The following NRGN variants were observed in gnomAD, a reference collection of about 807,000 sequenced individuals.
NRGN encodes the protein neurogranin, also known as calmodulin-binding protein.
For synonymous variants in NRGN, 47 were observed against 52.8 expected (o/e 0.89, Z 0.47); for missense variants, 82 against 123.0 (o/e 0.67, Z 1.58).
rs2134447197 is a variant in NRGN, at chr11:124,745,825, C to A, written c.*5+96C>A. ...AAGGGCGGGTTGGAGGTGCAGGGGG[C>A]GTGGAGGGAGCTAAGGGTTGGGGGA... On this transcript the variant is annotated intron_variant, in intron 2 of 3. Coordinates refer to ENST00000284292, the MANE Select transcript of NRGN (RefSeq NM_006176.3). This position sits in a 1 kb window ranked among gnomAD's most constrained non-coding sequence, Gnocchi z 6.4. 3.4e-6 allele frequency: 2 copies of A among 587,126 alleles called. No individual in the cohort carries two copies. The highest frequency in any genetic ancestry group is 5.2e-6 in the Non-Finnish European group (2 of 386,592). 36.4% of individuals were successfully genotyped at this position (587,126 alleles called of 1,614,324 possible). A position where few individuals can be genotyped will look rare whatever the true frequency, so the allele number is the denominator to read the frequency against.
In NRGN at chr11:124,745,648, A is replaced by AGGGCCC. The variant is rs1944003284; in HGVS notation, c.168_173dup (p.Pro58_Gly59dup). 1 of 1,568,644 alleles carries AGGGCCC rather than the reference A, an allele frequency of 6.4e-7. No homozygotes were observed. The highest frequency in any genetic ancestry group is 8.6e-7 in the Non-Finnish European group (1 of 1,161,956). ...ATAAAGAGCGGAGAGCGCGGCCGGA[A>AGGGCCC]GGGCCCGGGCCCTGGGGGGCCTGGC... On this transcript the variant is annotated inframe_insertion, in exon 2 of 4. Coordinates refer to ENST00000284292, the MANE Select transcript of NRGN (RefSeq NM_006176.3). The surrounding 1 kb of genome is among the most constrained non-coding windows in gnomAD (Gnocchi z 6.4).
At position 124,746,018 on chromosome 11, in the gene NRGN, C is replaced by A. The variant is rs537435660; in HGVS notation, c.*23+36C>A. On this transcript the variant is annotated intron_variant, in intron 3 of 3. Transcript: ENST00000284292. ...CGGCCCCTAGGCGGCGGGGTGGGAC[C>A]CGTGAGTGGGAGAAAAGGATCGAAT... 8 of 272,492 alleles carry A rather than the reference C, an allele frequency of 2.9e-5. No homozygotes were observed. The East Asian group carries it at 4.6e-4, about 16-fold the overall frequency. The allele number at this position is 272,492 out of a possible 1,614,324, so 16.9% of individuals were successfully genotyped here.
rs533555833 is a variant in NRGN, at chr11:124,740,305, C to G, written c.15+206C>G. ...GCCCTAGGAAAAATGCTCCTCAACTCGCGGGGGCGTCTGAGCGCCCATCCG... is the reference window on the plus strand; with the variant it reads ...GCCCTAGGAAAAATGCTCCTCAACTGGCGGGGGCGTCTGAGCGCCCATCCG... On this transcript the variant is annotated intron_variant, in intron 1 of 3. Coordinates refer to ENST00000284292, the MANE Select transcript of NRGN (RefSeq NM_006176.3). This position sits in a 1 kb window ranked among gnomAD's most constrained non-coding sequence, Gnocchi z 7.5. Among the ~76,000 whole-genome samples the G allele has an allele frequency of 6.6e-6, 1 of 152,372 alleles. No homozygotes were observed. The highest frequency in any genetic ancestry group is 1.9e-4 in the East Asian group (1 of 5,180).
chr11:124,741,597 G>C (rs905841484), intron 1 of NRGN, among the ~76,000 whole-genome samples: 1 of 151,928 alleles, frequency 6.6e-6, no homozygotes, highest in Admixed American at 6.6e-5. Context: ...GAGGTTCCTG[G>C]GCTCCACTGA....
rs1330934922 is a variant in NRGN at position 124,745,999 on chromosome 11, C to G, written c.*23+17C>G. 1.7e-5 allele frequency: 5 copies of G among 300,534 alleles called. No homozygotes were observed. The highest frequency in any genetic ancestry group is 3.1e-5 in the Non-Finnish European group (5 of 163,088). The allele number at this position is 300,534 out of a possible 1,614,324, so 18.6% of individuals were successfully genotyped here. On this transcript the variant is annotated intron_variant, in intron 3 of 3. Coordinates refer to ENST00000284292, the MANE Select transcript of NRGN (RefSeq NM_006176.3). This position sits in a 1 kb window ranked among gnomAD's most constrained non-coding sequence, Gnocchi z 6.4. Reference sequence around the variant, plus strand: ...TTTTCAAAGGTAATGAACACGGCCCCTAGGCGGCGGGGTGGGACCCGTGAG... The same window carrying G: ...TTTTCAAAGGTAATGAACACGGCCCGTAGGCGGCGGGGTGGGACCCGTGAG...
chr11:124,740,115 CG>C lies in NRGN; in HGVS notation c.15+21del. On this transcript the variant is annotated intron_variant, in intron 1 of 3. Coordinates refer to ENST00000284292, the MANE Select transcript of NRGN (RefSeq NM_006176.3). The surrounding 1 kb of genome is among the most constrained non-coding windows in gnomAD (Gnocchi z 7.5). ...CTGCTGCACCGTAAGTTAGAGGGCC[CG>C]GGGGAGGGGCACTTGGCGGGGTCCG... 5 of 1,331,972 alleles carry C rather than the reference CG, an allele frequency of 3.8e-6. No homozygotes were observed. Among genetic ancestry groups the C allele is most frequent in the Non-Finnish European group, 4.8e-6 (5 of 1,032,974 alleles). 82.5% of individuals were successfully genotyped at this position (1,331,972 alleles called of 1,614,324 possible).
rs1282413575 is a variant in NRGN at position 124,745,707 on chromosome 11, G to T, written c.220G>T (p.Gly74Cys). Residue 74 changes from glycine to cysteine, a missense_variant, in exon 2 of 4, where the codon GGC becomes TGC. Coordinates refer to ENST00000284292, the MANE Select transcript of NRGN (RefSeq NM_006176.3). The surrounding 1 kb of genome is among the most constrained non-coding windows in gnomAD (Gnocchi z 6.4). The part of the protein sequence containing the change: ...AGVARGGAGG[G>C]PSGD The stretch of plus-strand genomic sequence containing the variant: ...GGTGGCCCGGGGAGGCGCGGGCGGC[G>T]GCCCCAGCGGAGACTAGGCCAGGTG... 3.6e-6 allele frequency: 5 copies of T among 1,384,432 alleles called. No homozygotes were observed. The highest frequency in any genetic ancestry group is 4.7e-6 in the Non-Finnish European group (5 of 1,074,940). The allele number at this position is 1,384,432 out of a possible 1,614,324, so 85.8% of individuals were successfully genotyped here.
At position 124,745,658 on chromosome 11, in the gene NRGN, C is replaced by T; in HGVS notation, c.171C>T (p.Gly57=). 2 of 1,520,528 alleles carry T rather than the reference C, an allele frequency of 1.3e-6. No individual in the cohort carries two copies. Among genetic ancestry groups the T allele is most frequent in the South Asian group, 1.2e-5 (1 of 81,794 alleles). The allele number at this position is 1,520,528 out of a possible 1,614,324, so 94.2% of individuals were successfully genotyped here. A position where few individuals can be genotyped will look rare whatever the true frequency, so the allele number is the denominator to read the frequency against. Residue 57 remains glycine (G), a synonymous_variant, in exon 2 of 4, where the codon GGC becomes GGT. Coordinates refer to ENST00000284292, the MANE Select transcript of NRGN (RefSeq NM_006176.3). The surrounding 1 kb of genome is among the most constrained non-coding windows in gnomAD (Gnocchi z 6.4). ...GAGAGCGCGGCCGGAAGGGCCCGGG[C>T]CCTGGGGGGCCTGGCGGAGCTGGGG... ...KSGERGRKGP[G]PGGPGGAGVA...
rs1303227580 is a variant in NRGN, at chr11:124,740,412, T to C, written c.15+313T>C. 1.3e-5 allele frequency among the ~76,000 whole-genome samples: 2 copies of C among 152,108 alleles called. No individual in the cohort carries two copies. Among genetic ancestry groups the C allele is most frequent in the East Asian group, 1.9e-4 (1 of 5,148 alleles). The stretch of plus-strand genomic sequence containing the variant: ...GGGTTGGATGACAGGAGGAACTTCC[T>C]CCCCAGTGAGACGCTGGCAACCATC... On this transcript the variant is annotated intron_variant, in intron 1 of 3. Coordinates refer to ENST00000284292, the MANE Select transcript of NRGN (RefSeq NM_006176.3). The surrounding 1 kb of genome is among the most constrained non-coding windows in gnomAD (Gnocchi z 7.5).
At chr11:124,741,832 T>C (rs1250964251) in intron 1 of NRGN, among the ~76,000 whole-genome samples, 1 of 151,716 alleles carries the variant, frequency 6.6e-6, no homozygotes, top group Non-Finnish European at 1.5e-5. Context: ...CAGTAGTAAT[T>C]AGAGTAGGAT....
rs1944017548 is a variant in NRGN at position 124,746,818 on chromosome 11, G to T, written c.*438G>T. 2 of 152,534 alleles carry T rather than the reference G, an allele frequency of 1.3e-5. No individual in the cohort carries two copies. The highest frequency in any genetic ancestry group is 6.5e-5 in the Admixed American group (1 of 15,288). The allele number at this position is 152,534 out of a possible 1,614,324, so 9.4% of individuals were successfully genotyped here. A position where few individuals can be genotyped will look rare whatever the true frequency, so the allele number is the denominator to read the frequency against. On this transcript the variant is annotated 3_prime_UTR_variant, in exon 4 of 4. Coordinates refer to ENST00000284292, the MANE Select transcript of NRGN (RefSeq NM_006176.3). ...TTCGTTCTGTGCGCAGCTAAAAGGG[G>T]CGCCCTACATCTCCGTGCCACTCCC...
At position 124,745,432 on chromosome 11, in the gene NRGN, C is replaced by T. The variant is rs1203888655; in HGVS notation, c.16-71C>T. 1.3e-5 allele frequency: 15 copies of T among 1,197,536 alleles called. No homozygotes were observed. Among genetic ancestry groups the T allele is most frequent in the Non-Finnish European group, 1.6e-5 (14 of 867,000 alleles). 74.2% of individuals were successfully genotyped at this position (1,197,536 alleles called of 1,614,324 possible). A position where few individuals can be genotyped will look rare whatever the true frequency, so the allele number is the denominator to read the frequency against. ...TCGCCATAGTCCCTGTCCCTCAGGG[C>T]TCTATTCCTACCCCACTCCCGCGGA... On this transcript the variant is annotated intron_variant, in intron 1 of 3. Transcript: ENST00000284292. The surrounding 1 kb of genome is among the most constrained non-coding windows in gnomAD (Gnocchi z 6.4).
chr11:124,745,652 C>T lies in NRGN; in HGVS notation c.165C>T (p.Gly55=). ...KIKSGERGRK[G]PGPGGPGGAG... ...AGAGCGGAGAGCGCGGCCGGAAGGG[C>T]CCGGGCCCTGGGGGGCCTGGCGGAG... The change falls in exon 2 of 4, where the codon GGC becomes GGT. Residue 55 remains glycine, a synonymous_variant. Transcript: ENST00000284292. This position sits in a 1 kb window ranked among gnomAD's most constrained non-coding sequence, Gnocchi z 6.4. 6.5e-7 allele frequency: 1 copy of T among 1,544,188 alleles called. No individual in the cohort carries two copies. The highest frequency in any genetic ancestry group is 8.7e-7 in the Non-Finnish European group (1 of 1,150,084).
Position 124,740,143 on chromosome 11 carries a change from T to C in NRGN, c.15+44T>C. On this transcript the variant is annotated intron_variant, in intron 1 of 3. Coordinates refer to ENST00000284292, the MANE Select transcript of NRGN (RefSeq NM_006176.3). This position sits in a 1 kb window ranked among gnomAD's most constrained non-coding sequence, Gnocchi z 7.5. Reference sequence around the variant, plus strand: ...GGGAGGGGCACTTGGCGGGGTCCGCTGCGAGAGGCGCCTGAGAAAGCCCTG... The same window carrying C: ...GGGAGGGGCACTTGGCGGGGTCCGCCGCGAGAGGCGCCTGAGAAAGCCCTG... The C allele has an allele frequency of 6.2e-6, 8 of 1,298,754 alleles. No individual in the cohort carries two copies. The highest frequency in any genetic ancestry group is 5.9e-6 in the Non-Finnish European group (6 of 1,011,174). 80.5% of individuals were successfully genotyped at this position (1,298,754 alleles called of 1,614,324 possible).
chr11:124,745,838 A>C lies in NRGN; in HGVS notation c.*5+109A>C. On this transcript the variant is annotated intron_variant, in intron 2 of 3. Coordinates refer to ENST00000284292, the MANE Select transcript of NRGN (RefSeq NM_006176.3). This position sits in a 1 kb window ranked among gnomAD's most constrained non-coding sequence, Gnocchi z 6.4. ...AGGTGCAGGGGGCGTGGAGGGAGCT[A>C]AGGGTTGGGGGATAGAAATCCGAGA... 1 of 523,210 alleles carries C rather than the reference A, an allele frequency of 1.9e-6. No homozygotes were observed. The highest frequency in any genetic ancestry group is 3.0e-6 in the Non-Finnish European group (1 of 332,304). The allele number at this position is 523,210 out of a possible 1,614,324, so 32.4% of individuals were successfully genotyped here. A position where few individuals can be genotyped will look rare whatever the true frequency, so the allele number is the denominator to read the frequency against.
intron 1 of NRGN, among the ~76,000 whole-genome samples, chr11:124,743,340 G>T (rs1450401696): frequency 1.3e-5 from 2 of 152,238 alleles, no homozygotes; most frequent in Non-Finnish European, 2.9e-5. Context: ...AAGGAGGAAA[G>T]GTAGGTCAGG....
rs1335883687 is a variant in NRGN, at chr11:124,745,690, G to C, written c.203G>C (p.Arg68Pro). The stretch of plus-strand genomic sequence containing the variant: ...GGGCCTGGCGGAGCTGGGGTGGCCC[G>C]GGGAGGCGCGGGCGGCGGCCCCAGC... ...PGGPGGAGVA[R>P]GGAGGGPSGD Residue 68 changes from arginine (R) to proline (P), a missense_variant, in exon 2 of 4, where the codon CGG (arginine) becomes CCG (proline). Arg to Pro is a moderately radical substitution (Grantham distance 103). Coordinates refer to ENST00000284292, the MANE Select transcript of NRGN (RefSeq NM_006176.3). The surrounding 1 kb of genome is among the most constrained non-coding windows in gnomAD (Gnocchi z 6.4). The C allele has an allele frequency of 6.4e-6, 9 of 1,416,806 alleles. No homozygotes were observed. Among genetic ancestry groups the C allele is most frequent in the African/African-American group, 1.5e-5 (1 of 66,744 alleles). The allele number at this position is 1,416,806 out of a possible 1,614,324, so 87.8% of individuals were successfully genotyped here. A position where few individuals can be genotyped will look rare whatever the true frequency, so the allele number is the denominator to read the frequency against.
chr11:124,742,937 A>G (rs12293624), intron 1 of NRGN, among the ~76,000 whole-genome samples: 51,821 of 151,710 alleles, frequency 0.34, 10,817 homozygotes, highest in African/African-American at 0.6. Flanking sequence ...CTTGGACCCC[A>G]CTTTGCTGAC....
intron 1 of NRGN, among the ~76,000 whole-genome samples, chr11:124,744,347 T>C (rs1165243916): frequency 6.6e-6 from 1 of 152,242 alleles, no homozygotes; most frequent in Non-Finnish European, 1.5e-5. Flanking sequence ...CTGTTTATTC[T>C]TCCCCACGAC....
Sources: allele counts gnomAD v4.1 joint callset (sites outside exome capture counted in the v4.1 genomes callset), GRCh38; gene constraint gnomAD v4.1.1; non-coding constraint Gnocchi (gnomAD v3.1); transcripts MANE v1.5; gene names NCBI Gene and HGNC (gene_info 2026-07-23, HGNC 2026-07-21).